The following OTUD4 variants were observed in gnomAD, a reference collection of about 807,000 sequenced individuals.
OTUD4 encodes the protein OTU deubiquitinase 4, also known as OTU domain-containing protein 4.
In OTUD4, 24 loss-of-function variants were observed where a neutral mutation model predicts 130.4. That is an observed-to-expected ratio of 0.18 (90% CI 0.13 to 0.26). The LOEUF (loss-of-function observed/expected upper bound fraction) is 0.26, where lower values mean the gene tolerates loss of function less well. OTUD4 is among the 10% of genes least tolerant of loss of function. The probability of loss-of-function intolerance (pLI) is 1.00; values close to 1 mark genes in which losing one functional copy is unlikely to be tolerated. For missense variants in OTUD4, 1,031 were observed against 1,329.4 expected (o/e 0.78, Z 3.49); for synonymous variants, 420 against 472.5 (o/e 0.89, Z 1.44).
chr4:145,173,855 T>C (rs560744022), intron 2 of OTUD4, among the ~76,000 whole-genome samples: 122 of 152,346 alleles, frequency 8.0e-4, no homozygotes, highest in African/African-American at 2.8e-3. Flanking sequence ...CAACATTTTA[T>C]TAACTATTAA....
intron 5 of OTUD4, 129 bp downstream of exon 5, chr4:145,164,025 A>G (rs1751724280): frequency 1.8e-6 from 1 of 553,450 alleles, no homozygotes; most frequent in Admixed American, 3.7e-5. Context: ...CTTTTAAGAA[A>G]TCAGAATACC....
Position 145,141,628 on chromosome 4 carries a change from G to A in OTUD4, c.1834C>T (p.Pro612Ser), listed in dbSNP as rs1295323820. The A allele has an allele frequency of 6.5e-7, 1 of 1,533,242 alleles. No individual in the cohort carries two copies. Among genetic ancestry groups the A allele is most frequent in the Non-Finnish European group, 8.8e-7 (1 of 1,141,618 alleles). The allele number at this position is 1,533,242 out of a possible 1,614,324, so 95.0% of individuals were successfully genotyped here. The change falls in exon 19 of 21, where the codon CCA becomes TCA. Residue 612 changes from proline (P) to serine (S), a missense_variant. Transcript: ENST00000447906. The part of the protein sequence containing the change: ...TTFGPTGVPA[P>S]IPVLSVTQTL... ...TGTGTCACTGACAAAACGGGAATTG[G>A]AGCAGGGACACCTACAAAAGAGAAG... is the stretch of plus-strand genomic sequence containing the variant.
chr4:145,163,956 C>A (rs534387232), intron 5 of OTUD4, among the ~76,000 whole-genome samples, 198 bp downstream of exon 5: 2 of 152,174 alleles, frequency 1.3e-5, no homozygotes, highest in Admixed American at 6.5e-5. Context: ...GATCTGCCTG[C>A]CTTGGCCTCC....
At position 145,180,093 on chromosome 4, in the gene OTUD4, G is replaced by A; in HGVS notation, c.-120C>T. 5.0e-6 allele frequency: 4 copies of A among 801,358 alleles called. No individual in the cohort carries two copies. The highest frequency in any genetic ancestry group is 6.3e-6 in the Non-Finnish European group (4 of 637,218). 49.6% of individuals were successfully genotyped at this position (801,358 alleles called of 1,614,324 possible). The stretch of plus-strand genomic sequence containing the variant: ...GCTCGGGCTGGGGCTCGGGCTCCGC[G>A]AGCGGCGGCAGGCGGCGGCGGCCCG... On this transcript the variant is annotated 5_prime_UTR_variant, in exon 1 of 21. Transcript: ENST00000447906.
chr4:145,158,433 G>T (rs1751396316), intron 7 of OTUD4, among the ~76,000 whole-genome samples: 1 of 150,428 alleles, frequency 6.6e-6, no homozygotes, highest in South Asian at 2.1e-4. Flanking sequence ...AGTAAGCCGA[G>T]ATCGCACCAC....
chr4:145,173,427 T>C (rs1360445882), intron 2 of OTUD4, among the ~76,000 whole-genome samples: 1 of 151,944 alleles, frequency 6.6e-6, no homozygotes, highest in Admixed American at 6.6e-5. Context: ...AAAAAAAATA[T>C]ATGCAAAACA....
chr4:145,150,311 T>C (rs934798032), intron 13 of OTUD4, among the ~76,000 whole-genome samples: 2 of 152,208 alleles, frequency 1.3e-5, no homozygotes, highest in African/African-American at 4.8e-5. Flanking sequence ...TAAAGGTCTC[T>C]CTATATATAC....
chr4:145,176,042 C>CT (rs70956828), intron 1 of OTUD4, among the ~76,000 whole-genome samples: 74 of 143,900 alleles, frequency 5.1e-4, no homozygotes, highest in Middle Eastern at 3.5e-3. Flanking sequence ...TTCTTTCTTT[C>CT]TTTTTTTTTT....
chr4:145,137,435 T>C lies in OTUD4; in HGVS notation c.3340A>G (p.Thr1114Ala), dbSNP rs1306802895. The change falls in exon 21 of 21, where the codon ACT becomes GCT. Residue 1114 changes from threonine (T) to alanine (A), a missense_variant. Around this residue, in one of 3 missense-constraint regions of OTUD4, gnomAD observed 900 missense variants for 1,095.9 expected, o/e 0.82. Coordinates refer to ENST00000447906, the MANE Select transcript of OTUD4 (RefSeq NM_001366057.1). ...AAATACTTCGGCAACAACCATCAAG[T>C]GTGCTGTCCCCTATGGCCATCTCCC... ...GMGDGHRGQHT is the reference protein window; with the variant it reads ...GMGDGHRGQHA 8 of 1,599,928 alleles carry C rather than the reference T, an allele frequency of 5.0e-6. No homozygotes were observed. In the Middle Eastern group the frequency reaches 5.0e-4, roughly 100 times the overall value.
chr4:145,165,214 A>G lies in OTUD4; in HGVS notation c.295-17T>C. On this transcript the variant is annotated splice_polypyrimidine_tract_variant and intron_variant, in intron 3 of 20. Coordinates refer to ENST00000447906, the MANE Select transcript of OTUD4 (RefSeq NM_001366057.1). Reference sequence around the variant, plus strand: ...TACCCATTCCTGTATTGAAGAAAAAAAGGTGGCATGTAAGTGTCTCACACT... The same window carrying G: ...TACCCATTCCTGTATTGAAGAAAAAGAGGTGGCATGTAAGTGTCTCACACT... The G allele has an allele frequency of 6.3e-7, 1 of 1,597,862 alleles. No individual in the cohort carries two copies. The highest frequency in any genetic ancestry group is 8.6e-7 in the Non-Finnish European group (1 of 1,168,300).
At chr4:145,157,787 G>A (rs567913179) in intron 7 of OTUD4, among the ~76,000 whole-genome samples, 4 of 151,014 alleles carry the variant, frequency 2.6e-5, no homozygotes, top group South Asian at 2.1e-4. Context: ...AAACACAATA[G>A]TGAACACATC....
rs955946534 is a variant in OTUD4 at position 145,134,570 on chromosome 4, T to G, written c.*2860A>C. Reference sequence around the variant, plus strand: ...AACAACACGCTGCAAGAATACAGTCTGCATTAAATAAGATATATCAGCATT... The same window carrying G: ...AACAACACGCTGCAAGAATACAGTCGGCATTAAATAAGATATATCAGCATT... On this transcript the variant is annotated 3_prime_UTR_variant, in exon 21 of 21. Transcript: ENST00000447906. The G allele has an allele frequency of 5.0e-5, 20 of 397,240 alleles. No homozygotes were observed. Among genetic ancestry groups the G allele is most frequent in the African/African-American group, 4.1e-4 (20 of 48,620 alleles). 24.6% of individuals were successfully genotyped at this position (397,240 alleles called of 1,614,324 possible).
chr4:145,136,971 AT>A lies in OTUD4; in HGVS notation c.*458del, dbSNP rs878880010. The A allele has an allele frequency of 1.3e-5, 2 of 153,288 alleles. No individual in the cohort carries two copies. The highest frequency in any genetic ancestry group is 4.1e-4 in the South Asian group (2 of 4,834). The allele number at this position is 153,288 out of a possible 1,614,324, so 9.5% of individuals were successfully genotyped here. On this transcript the variant is annotated 3_prime_UTR_variant, in exon 21 of 21. Transcript: ENST00000447906. ...TATGACTAAGGCATTGCATAATAAAATATACATTTCTATTTGGTGCAACGTT... is the reference window on the plus strand; with the variant it reads ...TATGACTAAGGCATTGCATAATAAAAATACATTTCTATTTGGTGCAACGTT...
intron 1 of OTUD4, among the ~76,000 whole-genome samples, chr4:145,176,990 T>C (rs993217276): frequency 3.3e-5 from 5 of 152,242 alleles, no homozygotes; most frequent in African/African-American, 1.2e-4. Flanking sequence ...TTGGACACTA[T>C]TAAACTATAT....
chr4:145,146,347 T>C lies in OTUD4; in HGVS notation c.1342A>G (p.Arg448Gly), dbSNP rs1750823600. The change falls in exon 14 of 21, where the codon AGA becomes GGA. Residue 448 changes from arginine (R) to glycine (G), a missense_variant. Arg to Gly is a moderately radical substitution (Grantham distance 125). Transcript: ENST00000447906. ...GATTCTTCTATAGCTTGCTTCTCTC[T>C]GCGCTCTTCTGGGGAAAGGCCGAAA... The part of the protein sequence containing the change: ...NYFGLSPEER[R>G]EKQAIEESRL... 1.3e-6 allele frequency: 2 copies of C among 1,597,968 alleles called. No homozygotes were observed. Among genetic ancestry groups the C allele is most frequent in the Non-Finnish European group, 1.7e-6 (2 of 1,174,178 alleles).
Position 145,175,970 on chromosome 4 carries a change from G to A in OTUD4, c.160-1226C>T, listed in dbSNP as rs60133063. Among the ~76,000 whole-genome samples, 461 of 151,638 alleles carry A rather than the reference G, an allele frequency of 3.0e-3. 3 individuals carry two copies. The highest frequency in any genetic ancestry group is 7.9e-3 in the African/African-American group (325 of 41,354). On this transcript the variant is annotated intron_variant, in intron 1 of 20. Coordinates refer to ENST00000447906, the MANE Select transcript of OTUD4 (RefSeq NM_001366057.1). ...CAACCTCCGCCTCACAAGTTCAAGCGATTCTCCTGCCTCAGCCTCCCGAGT... is the reference window on the plus strand; with the variant it reads ...CAACCTCCGCCTCACAAGTTCAAGCAATTCTCCTGCCTCAGCCTCCCGAGT...
At chr4:145,140,832 A>C (rs1349150050) in intron 19 of OTUD4, among the ~76,000 whole-genome samples, 2 of 147,264 alleles carry the variant, frequency 1.4e-5, no homozygotes. Flanking sequence ...AGGTATCATT[A>C]CTAAGCATAC....
rs1751274053 is a variant in OTUD4 at position 145,156,052 on chromosome 4, C to T, written c.630-56G>A. The T allele has an allele frequency of 4.4e-6, 6 of 1,363,972 alleles. No individual in the cohort carries two copies. The Admixed American group carries it at 1.2e-4, about 26-fold the overall frequency. 84.5% of individuals were successfully genotyped at this position (1,363,972 alleles called of 1,614,324 possible). ...GAAAAAGGTATTTGCACGTAATTACCTTCTAACCTCATCTAAACGTCTTCA... is the reference window on the plus strand; with the variant it reads ...GAAAAAGGTATTTGCACGTAATTACTTTCTAACCTCATCTAAACGTCTTCA... On this transcript the variant is annotated intron_variant, in intron 7 of 20. Transcript: ENST00000447906.
intron 19 of OTUD4, among the ~76,000 whole-genome samples, chr4:145,140,879 T>G (rs1359458044): frequency 6.6e-6 from 1 of 151,642 alleles, no homozygotes; most frequent in East Asian, 1.9e-4. Flanking sequence ...AAAAAAAATT[T>G]TCTGGGCCAG....
Sources: allele counts gnomAD v4.1 joint callset (sites outside exome capture counted in the v4.1 genomes callset), GRCh38; gene constraint gnomAD v4.1.1; regional missense constraint gnomAD v4.1.1; transcripts MANE v1.5; gene names NCBI Gene and HGNC (gene_info 2026-07-23, HGNC 2026-07-21).